The following PXYLP1 variants were observed in gnomAD, a reference collection of about 807,000 sequenced individuals.
PXYLP1 encodes the protein 2-phosphoxylose phosphatase 1.
In PXYLP1, 17 loss-of-function variants were observed where a neutral mutation model predicts 37.9. That is an observed-to-expected ratio of 0.45 (90% CI 0.31 to 0.67). The LOEUF is 0.67. PXYLP1 is among the 30% of genes least tolerant of loss of function. The pLI is 0.07. For missense variants in PXYLP1, 511 were observed against 612.0 expected (o/e 0.84, Z 1.74); for synonymous variants, 221 against 232.2 (o/e 0.95, Z 0.44).
chr3:141,287,535 G>A, intron 5 of PXYLP1, 82 bp downstream of exon 5: 2 of 1,533,146 alleles, frequency 1.3e-6, no homozygotes, highest in East Asian at 4.6e-5. Flanking sequence ...TCCTGGGCGG[G>A]GTGCTGTGCA....
Position 141,292,333 on chromosome 3 carries a change from C to T in PXYLP1, c.571C>T (p.Leu191=). ...TATCTATCTAAAGAAACACAAACTC[C>T]TGCCCAATGATTGGTCTGCAGACCA... The part of the protein sequence containing the change: ...RDIYLKKHKL[L]PNDWSADQLY... The change falls in exon 6 of 6, where the codon CTG becomes TTG. Residue 191 remains leucine (L), a synonymous_variant. Transcript: ENST00000286353. This position sits in a 1 kb window ranked among gnomAD's most constrained non-coding sequence, Gnocchi z 4.3. 2 of 1,613,824 alleles carry T rather than the reference C, an allele frequency of 1.2e-6. No individual in the cohort carries two copies. Among genetic ancestry groups the T allele is most frequent in the Non-Finnish European group, 1.7e-6 (2 of 1,179,906 alleles).
At chr3:141,258,895 C>T (rs1233713652) in intron 1 of PXYLP1, 3 of 152,174 alleles carry the variant, frequency 2.0e-5, no homozygotes, top group Non-Finnish European at 4.4e-5. Flanking sequence ...CAGGCGCAAT[C>T]GTAAGGTGCA....
At chr3:141,288,673 C>G (rs551235202) in intron 5 of PXYLP1, among the ~76,000 whole-genome samples, 1 of 152,194 alleles carries the variant, frequency 6.6e-6, no homozygotes, top group African/African-American at 2.4e-5. Flanking sequence ...GCAGGATAAT[C>G]GTTTGAGCCT....
chr3:141,284,799 T>C (rs1183684636), intron 4 of PXYLP1, among the ~76,000 whole-genome samples: 2 of 152,220 alleles, frequency 1.3e-5, no homozygotes, highest in African/African-American at 2.4e-5. Context: ...AATCTTCCAA[T>C]GCAGAATCTG....
At chr3:141,282,311 C>T (rs1941973565) in intron 4 of PXYLP1, among the ~76,000 whole-genome samples, 1 of 152,162 alleles carries the variant, frequency 6.6e-6, no homozygotes, top group African/African-American at 2.4e-5. Flanking sequence ...GCTTTATGGC[C>T]AGTCCTCTTA....
chr3:141,261,599 A>G (rs771289543), intron 2 of PXYLP1, among the ~76,000 whole-genome samples: 3 of 152,188 alleles, frequency 2.0e-5, no homozygotes, highest in Non-Finnish European at 4.4e-5. Context: ...AAGTTCTGGT[A>G]TTACAGGCGT....
At chr3:141,259,517 C>A (rs1038000176) in intron 1 of PXYLP1, among the ~76,000 whole-genome samples, 8 of 151,904 alleles carry the variant, frequency 5.3e-5, no homozygotes, top group Non-Finnish European at 7.4e-5. Flanking sequence ...TCCAGAAGAC[C>A]CATGGATACA....
At position 141,272,252 on chromosome 3, in the gene PXYLP1, A is replaced by G. The variant is rs368967645; in HGVS notation, c.80-6090A>G. Among the ~76,000 whole-genome samples the G allele has an allele frequency of 1.2e-4, 19 of 152,262 alleles. No homozygotes were observed. The South Asian group carries it at 2.9e-3, about 23-fold the overall frequency. ...GGTTATAACTTTATCTGCTGCCCCT[A>G]TGGTTGTTGAGTTTCAGGGATAACT... On this transcript the variant is annotated intron_variant, in intron 2 of 5. Transcript: ENST00000286353.
At chr3:141,285,527 A>AACAAC (rs1194926062) in intron 4 of PXYLP1, among the ~76,000 whole-genome samples, 9 of 151,636 alleles carry the variant, frequency 5.9e-5, no homozygotes, top group African/African-American at 2.2e-4. Context: ...ACAACAACAA[A>AACAAC]AAAAAACAAA....
chr3:141,270,015 G>A (rs760195748), intron 2 of PXYLP1, among the ~76,000 whole-genome samples: 1 of 152,260 alleles, frequency 6.6e-6, no homozygotes, highest in Non-Finnish European at 1.5e-5. Context: ...CAGAGGAAAG[G>A]GTCAAGGAGG....
intron 1 of PXYLP1, among the ~76,000 whole-genome samples, chr3:141,242,489 A>G (rs1294689840): frequency 1.3e-5 from 2 of 152,228 alleles, no homozygotes; most frequent in East Asian, 3.8e-4. Context: ...CAAAGCTGTC[A>G]GCTGCCTTGA....
At chr3:141,266,696 G>T (rs545870102) in intron 2 of PXYLP1, among the ~76,000 whole-genome samples, 1 of 139,322 alleles carries the variant, frequency 7.2e-6, no homozygotes, top group Non-Finnish European at 1.6e-5. Context: ...AGATGAGGGG[G>T]AGAGAGGGAG....
At chr3:141,284,411 G>A (rs1409720716) in intron 4 of PXYLP1, among the ~76,000 whole-genome samples, 1 of 152,212 alleles carries the variant, frequency 6.6e-6, no homozygotes, top group Admixed American at 6.5e-5. Flanking sequence ...GTTGGCGAAT[G>A]CGGCTTTACC....
chr3:141,248,197 T>G (rs1941009246), intron 1 of PXYLP1, among the ~76,000 whole-genome samples: 1 of 151,716 alleles, frequency 6.6e-6, no homozygotes, highest in South Asian at 2.1e-4. Flanking sequence ...TAATTTTTTG[T>G]GTGTGTGGCA....
At chr3:141,251,407 T>C (rs1015096278) in intron 1 of PXYLP1, among the ~76,000 whole-genome samples, 2 of 152,198 alleles carry the variant, frequency 1.3e-5, no homozygotes, top group Non-Finnish European at 2.9e-5. Context: ...TGATCTGGAA[T>C]GGCCATATTA....
chr3:141,287,047 G>T (rs190314261), intron 4 of PXYLP1, among the ~76,000 whole-genome samples: 1 of 152,236 alleles, frequency 6.6e-6, no homozygotes, highest in Non-Finnish European at 1.5e-5. Flanking sequence ...AGGTTGGGGA[G>T]CCGGAAGATA....
intron 1 of PXYLP1, among the ~76,000 whole-genome samples, chr3:141,249,147 T>C (rs1445571721): frequency 2.0e-5 from 3 of 152,222 alleles, no homozygotes; most frequent in Non-Finnish European, 4.4e-5. Flanking sequence ...GTAAAGTTCA[T>C]GCCCACTGGC....
intron 1 of PXYLP1, among the ~76,000 whole-genome samples, chr3:141,233,649 C>T (rs1391396873): frequency 2.6e-5 from 4 of 152,094 alleles, no homozygotes; most frequent in Non-Finnish European, 5.9e-5. Flanking sequence ...TAGGGATTGG[C>T]TCCTGGCCAG....
intron 1 of PXYLP1, among the ~76,000 whole-genome samples, chr3:141,247,049 G>C (rs1419784255): frequency 6.6e-6 from 1 of 152,232 alleles, no homozygotes; most frequent in African/African-American, 2.4e-5. Context: ...CCCTGCCTCA[G>C]GCAGCTCCAA....
Sources: gnomAD v4.1 joint callset for allele counts (sites outside exome capture counted in the v4.1 genomes callset) on GRCh38, gnomAD v4.1.1 for gene constraint, Gnocchi (gnomAD v3.1) non-coding constraint, MANE v1.5 for transcripts, NCBI Gene and HGNC (gene_info 2026-07-23, HGNC 2026-07-21) for gene names.